KHDRBS2: variants seen among roughly 807,000 people sequenced by gnomAD.
KHDRBS2 encodes KH domain-containing, RNA-binding, signal transduction-associated protein 2.
In KHDRBS2, 26 loss-of-function variants were observed where a neutral mutation model predicts 44.3. The ratio of observed to expected loss-of-function variants is 0.59; its 90% CI spans 0.43 to 0.81. KHDRBS2 has a LOEUF of 0.81. KHDRBS2 is among the 40% of genes least tolerant of loss of function. The probability of loss-of-function intolerance (pLI) is 0.00; values close to 1 mark genes in which losing one functional copy is unlikely to be tolerated. For synonymous variants in KHDRBS2, 194 were observed against 151.1 expected (o/e 1.28, Z -2.08); for missense variants, 476 against 433.1 (o/e 1.10, Z -0.88).
chr6:61,918,506 C>T (rs1404352018), intron 4 of KHDRBS2, among the ~76,000 whole-genome samples: 3 of 151,914 alleles, frequency 2.0e-5, no homozygotes, highest in Non-Finnish European at 4.4e-5. Context: ...AACATACTCT[C>T]TCTTTCCCTC....
intron 6 of KHDRBS2, among the ~76,000 whole-genome samples, chr6:61,733,501 A>G (rs1179148758): frequency 1.3e-5 from 2 of 151,432 alleles, no homozygotes; most frequent in African/African-American, 2.4e-5. Context: ...AGGCTGAGGC[A>G]GGGGGAATCA....
At chr6:61,575,100 A>C in the KHDRBS2 span, among the ~76,000 whole-genome samples, 2 of 152,224 alleles carry the variant, frequency 1.3e-5, no homozygotes, top group Admixed American at 6.5e-5. Flanking sequence ...AACAAAAACA[A>C]AAATAAATAG....
intron 2 of KHDRBS2, among the ~76,000 whole-genome samples, chr6:62,084,247 T>A (rs941681773): frequency 6.6e-6 from 1 of 152,190 alleles, no homozygotes; most frequent in East Asian, 1.9e-4. Flanking sequence ...TGGTTTAATG[T>A]CTTCCGTCTT....
intron 3 of KHDRBS2, among the ~76,000 whole-genome samples, chr6:62,002,723 T>G (rs1778485353): frequency 6.6e-6 from 1 of 151,316 alleles, no homozygotes; most frequent in South Asian, 2.1e-4. Flanking sequence ...TCTCATCTAT[T>G]GCATGTTCTT....
chr6:61,755,422 C>T (rs903747915), intron 6 of KHDRBS2, among the ~76,000 whole-genome samples: 1 of 152,050 alleles, frequency 6.6e-6, no homozygotes, highest in African/African-American at 2.4e-5. Context: ...TTCATCAAAA[C>T]TAGTCTGCAG....
intron 4 of KHDRBS2, among the ~76,000 whole-genome samples, chr6:61,935,573 A>AATTT (rs1810873893): frequency 6.6e-6 from 1 of 152,166 alleles, no homozygotes; most frequent in Non-Finnish European, 1.5e-5. Context: ...GTTTTACAAT[A>AATTT]CTATCATAGA....
At chr6:61,618,720 A>G in the KHDRBS2 span, among the ~76,000 whole-genome samples, 1 of 152,170 alleles carries the variant, frequency 6.6e-6, no homozygotes, top group Non-Finnish European at 1.5e-5. Flanking sequence ...GAGAACATGC[A>G]GTATCTGGTT....
chr6:61,567,199 G>A, the KHDRBS2 span, among the ~76,000 whole-genome samples: 1 of 152,138 alleles, frequency 6.6e-6, no homozygotes, highest in Non-Finnish European at 1.5e-5. Context: ...TTTCTGGGTT[G>A]TGGAAGATTT....
At chr6:61,701,652 G>A (rs1768693494) in intron 7 of KHDRBS2, among the ~76,000 whole-genome samples, 1 of 151,974 alleles carries the variant, frequency 6.6e-6, no homozygotes, top group Admixed American at 6.6e-5. Flanking sequence ...TCCCAGAAAA[G>A]AGAACTGAGG....
At chr6:61,862,304 C>A (rs1797104833) in intron 6 of KHDRBS2, among the ~76,000 whole-genome samples, 1 of 152,046 alleles carries the variant, frequency 6.6e-6, no homozygotes, top group Admixed American at 6.6e-5. Flanking sequence ...TTTGTATACC[C>A]TTTATTTCTT....
At chr6:61,835,067 G>A (rs1159365614) in intron 6 of KHDRBS2, among the ~76,000 whole-genome samples, 1 of 151,964 alleles carries the variant, frequency 6.6e-6, no homozygotes, top group Non-Finnish European at 1.5e-5. Flanking sequence ...ACTTATCACA[G>A]ATTTTACTTT....
At chr6:61,846,131 C>A (rs1273603824) in intron 6 of KHDRBS2, among the ~76,000 whole-genome samples, 3 of 152,166 alleles carry the variant, frequency 2.0e-5, no homozygotes, top group African/African-American at 7.2e-5. Context: ...AGCAGATGAT[C>A]CTATGCTTCA....
the KHDRBS2 span, among the ~76,000 whole-genome samples, chr6:61,558,854 C>T: frequency 6.6e-6 from 1 of 152,152 alleles, no homozygotes; most frequent in South Asian, 2.1e-4. Flanking sequence ...CTATCATTGA[C>T]AATGAGTCAT....
chr6:62,104,604 A>G (rs2127376863), intron 2 of KHDRBS2, among the ~76,000 whole-genome samples: 1 of 152,310 alleles, frequency 6.6e-6, no homozygotes, highest in South Asian at 2.1e-4. Context: ...ACTGAAGGAA[A>G]ATCAAAACTC....
intron 2 of KHDRBS2, among the ~76,000 whole-genome samples, chr6:62,158,149 A>G (rs1447802153): frequency 2.6e-5 from 4 of 152,182 alleles, no homozygotes; most frequent in African/African-American, 9.7e-5. Context: ...TCATTCAGGA[A>G]TGGCACTAAA....
At chr6:61,832,342 G>A (rs919384521) in intron 6 of KHDRBS2, among the ~76,000 whole-genome samples, 27 of 152,270 alleles carry the variant, frequency 1.8e-4, no homozygotes, top group African/African-American at 5.8e-4. Flanking sequence ...ACCTAATCAT[G>A]GTTTGGAGTA....
At chr6:62,060,414 C>G (rs1791491432) in intron 2 of KHDRBS2, among the ~76,000 whole-genome samples, 1 of 151,694 alleles carries the variant, frequency 6.6e-6, no homozygotes, top group African/African-American at 2.4e-5. Flanking sequence ...CTATAGAAAT[C>G]TGGAAACCAA....
At chr6:61,592,695 TC>T in the KHDRBS2 span, among the ~76,000 whole-genome samples, 17 of 152,146 alleles carry the variant, frequency 1.1e-4, no homozygotes, top group Non-Finnish European at 2.1e-4. Flanking sequence ...TTTTTTAGTC[TC>T]CCAGCTGAAA....
intron 6 of KHDRBS2, among the ~76,000 whole-genome samples, chr6:61,762,959 G>A (rs9342253): frequency 0.36 from 54,554 of 151,976 alleles, 10,500 homozygotes; most frequent in East Asian, 0.48. Flanking sequence ...TAGAGAGAAG[G>A]CAGTTCTTCT....
Sources: allele counts gnomAD v4.1 joint callset (sites outside exome capture counted in the v4.1 genomes callset), GRCh38; gene constraint gnomAD v4.1.1; transcripts MANE v1.5; gene names NCBI Gene and HGNC (gene_info 2026-07-23, HGNC 2026-07-21).